FSD1L: variants seen among roughly 807,000 people sequenced by gnomAD.
The protein encoded by FSD1L is FSD1-like protein.
A neutral mutation model predicts 71.6 loss-of-function variants in FSD1L; 45 were observed. The ratio of observed to expected loss-of-function variants is 0.63; its 90% CI spans 0.49 to 0.81. The LOEUF is 0.81. Ranked by LOEUF, FSD1L falls within the 30% of genes least tolerant of loss-of-function variation. The probability of loss-of-function intolerance (pLI) is 0.00; values close to 1 mark genes in which losing one functional copy is unlikely to be tolerated. For synonymous variants in FSD1L, 197 were observed against 207.2 expected (o/e 0.95, Z 0.42); for missense variants, 561 against 618.1 (o/e 0.91, Z 0.98).
intron 1 of FSD1L, among the ~76,000 whole-genome samples, chr9:105,449,202 T>G (rs1410133629): frequency 6.6e-6 from 1 of 152,216 alleles, no homozygotes; most frequent in Non-Finnish European, 1.5e-5. Flanking sequence ...TTTGTCTACA[T>G]TCACCTTCTT....
At position 105,484,420 on chromosome 9, in the gene FSD1L, A is replaced by G. The variant is rs1234939739; in HGVS notation, c.504A>G (p.Pro168=). Residue 168 remains proline (P), a synonymous_variant, in exon 7 of 14, where the codon CCA becomes CCG. Transcript: ENST00000481272. Reference sequence around the variant, plus strand: ...CAGCCTTTCGCCTTTCTTTGAAACCAAAGGTCAGTGACAACATGACTCATT... The same window carrying G: ...CAGCCTTTCGCCTTTCTTTGAAACCGAAGGTCAGTGACAACATGACTCATT... ...MASAFRLSLK[P]KVSDNMTHLM... 8 of 1,527,598 alleles carry G rather than the reference A, an allele frequency of 5.2e-6. No individual in the cohort carries two copies. The African/African-American group carries it at 8.4e-5, about 16-fold the overall frequency. 94.6% of individuals were successfully genotyped at this position (1,527,598 alleles called of 1,614,324 possible). A position where few individuals can be genotyped will look rare whatever the true frequency, so the allele number is the denominator to read the frequency against.
At chr9:105,487,847 ATT>A (rs1276028997) in intron 7 of FSD1L, among the ~76,000 whole-genome samples, 1 of 152,166 alleles carries the variant, frequency 6.6e-6, no homozygotes, top group East Asian at 1.9e-4. Context: ...ATTTTCTTAC[ATT>A]TGTAGCTTTT....
upstream of FSD1L, among the ~76,000 whole-genome samples, chr9:105,445,610 G>A (rs771682188): frequency 1.3e-5 from 2 of 152,256 alleles, no homozygotes; most frequent in African/African-American, 2.4e-5. Flanking sequence ...CTGCTTAGTC[G>A]TGGGTCCCAT....
intron 1 of FSD1L, among the ~76,000 whole-genome samples, chr9:105,459,806 G>C (rs1830575370): frequency 6.6e-6 from 1 of 152,204 alleles, no homozygotes; most frequent in Non-Finnish European, 1.5e-5. Flanking sequence ...TGTCCATTCT[G>C]ATAGCATCTC....
chr9:105,539,609 T>C (rs957037788), intron 13 of FSD1L, among the ~76,000 whole-genome samples: 1 of 152,114 alleles, frequency 6.6e-6, no homozygotes, highest in Non-Finnish European at 1.5e-5. Flanking sequence ...ACTGCACTCA[T>C]GTGTAACTAG....
intron 7 of FSD1L, among the ~76,000 whole-genome samples, chr9:105,489,421 C>T (rs1291994162): frequency 6.6e-6 from 1 of 152,014 alleles, no homozygotes; most frequent in East Asian, 1.9e-4. Flanking sequence ...TTTGGAAGAG[C>T]TAAAAATAAA....
intron 12 of FSD1L, among the ~76,000 whole-genome samples, chr9:105,535,759 T>C (rs1242681121): frequency 6.6e-6 from 1 of 152,072 alleles, no homozygotes; most frequent in African/African-American, 2.4e-5. Flanking sequence ...TCTCATATAC[T>C]GCGTAAACAT....
intron 4 of FSD1L, among the ~76,000 whole-genome samples, chr9:105,470,707 C>T (rs915893048): frequency 5.3e-5 from 8 of 151,958 alleles, no homozygotes; most frequent in South Asian, 2.1e-4. Flanking sequence ...ACTGTATCTT[C>T]GAAGTGTGTC....
chr9:105,481,093 A>AT (rs771813055), intron 6 of FSD1L, among the ~76,000 whole-genome samples: 2 of 133,276 alleles, frequency 1.5e-5, no homozygotes, highest in Non-Finnish European at 3.1e-5. Flanking sequence ...TCTTGGCTTG[A>AT]TTTCATAAGT....
intron 7 of FSD1L, among the ~76,000 whole-genome samples, chr9:105,487,721 A>G (rs1832647518): frequency 6.6e-6 from 1 of 152,086 alleles, no homozygotes; most frequent in African/African-American, 2.4e-5. Context: ...TTTTCCTAGC[A>G]AAATTTTTAA....
intron 1 of FSD1L, among the ~76,000 whole-genome samples, chr9:105,450,531 G>GT (rs1363861520): frequency 5.0e-4 from 73 of 144,816 alleles, no homozygotes; most frequent in Non-Finnish European, 3.7e-4. Flanking sequence ...TGAGGATTGT[G>GT]TTCTTTTTTT....
chr9:105,492,045 A>G (rs1214260781), intron 7 of FSD1L, among the ~76,000 whole-genome samples: 2 of 151,400 alleles, frequency 1.3e-5, no homozygotes, highest in African/African-American at 2.4e-5. Flanking sequence ...CTTCTTTTTT[A>G]TTGATTGGAA....
chr9:105,485,375 A>G (rs147810376), intron 7 of FSD1L, among the ~76,000 whole-genome samples: 2 of 152,240 alleles, frequency 1.3e-5, no homozygotes, highest in African/African-American at 2.4e-5. Context: ...TTTCACAAGA[A>G]CTAACCCAGT....
chr9:105,477,822 C>T (rs779931553), intron 5 of FSD1L, among the ~76,000 whole-genome samples: 1 of 152,026 alleles, frequency 6.6e-6, no homozygotes, highest in Non-Finnish European at 1.5e-5. Context: ...TTGTGTAGCA[C>T]GTGGGAATGA....
upstream of FSD1L, among the ~76,000 whole-genome samples, chr9:105,445,183 G>A (rs138980586): frequency 6.6e-6 from 1 of 152,276 alleles, no homozygotes; most frequent in East Asian, 1.9e-4. Flanking sequence ...GTACAAACTG[G>A]GGAAGACAGA....
chr9:105,507,040 A>G (rs369412769), intron 8 of FSD1L, among the ~76,000 whole-genome samples: 35 of 152,332 alleles, frequency 2.3e-4, no homozygotes, highest in African/African-American at 7.2e-4. Context: ...GAAACAGAAT[A>G]TATGTAAAAT....
chr9:105,454,627 A>G (rs758374606), intron 1 of FSD1L, among the ~76,000 whole-genome samples: 21 of 152,202 alleles, frequency 1.4e-4, no homozygotes, highest in Non-Finnish European at 2.8e-4. Flanking sequence ...TTGGCCGACT[A>G]TGAGCCTCCT....
rs566468856 is a variant in FSD1L at position 105,544,664 on chromosome 9, C to T, written c.1468-1694C>T. 5.9e-5 allele frequency among the ~76,000 whole-genome samples: 9 copies of T among 152,254 alleles called. No individual in the cohort carries two copies. The South Asian group carries it at 1.5e-3, about 25-fold the overall frequency. On this transcript the variant is annotated intron_variant, in intron 13 of 13. Transcript: ENST00000481272. Reference sequence around the variant, plus strand: ...ACATATGGCTAGCCAGTTTTCCCAGCACCATTTGTTAAATAGGGAATCCTT... The same window carrying T: ...ACATATGGCTAGCCAGTTTTCCCAGTACCATTTGTTAAATAGGGAATCCTT...
chr9:105,533,881 GC>G (rs1006709586), intron 10 of FSD1L, among the ~76,000 whole-genome samples: 2 of 151,942 alleles, frequency 1.3e-5, no homozygotes, highest in African/African-American at 4.8e-5. Flanking sequence ...GTGCCACCAC[GC>G]CCTACTAATT....
Sources: gnomAD v4.1 joint callset for allele counts (sites outside exome capture counted in the v4.1 genomes callset) on GRCh38, gnomAD v4.1.1 for gene constraint, MANE v1.5 for transcripts, NCBI Gene and HGNC (gene_info 2026-07-23, HGNC 2026-07-21) for gene names.